MSANTD1: variants seen among roughly 807,000 people sequenced by gnomAD.
MSANTD1 encodes the protein myb/SANT-like DNA-binding domain-containing protein 1.
In MSANTD1, 7 loss-of-function variants were observed where a neutral mutation model predicts 24.2. The ratio of observed to expected loss-of-function variants is 0.29; its 90% CI spans 0.16 to 0.54. MSANTD1 has a LOEUF of 0.54. MSANTD1 is among the 20% of genes least tolerant of loss of function. The pLI, the probability that MSANTD1 is intolerant of heterozygous loss-of-function variation, is 0.94. For synonymous variants in MSANTD1, 177 were observed against 181.1 expected (o/e 0.98, Z 0.18); for missense variants, 384 against 408.2 (o/e 0.94, Z 0.51).
At position 3,256,594 on chromosome 4, in the gene MSANTD1, G is replaced by A. The variant is rs362285; in HGVS notation, c.*629G>A. On this transcript the variant is annotated 3_prime_UTR_variant, in exon 3 of 3. Transcript: ENST00000438480. ...CTTAGCAATGACACTAATAAAAGTC[G>A]TAACACCTGTTCACATGCACAGCCC... 4,942 of 152,392 alleles carry A rather than the reference G, an allele frequency of 0.032. 170 individuals carry two copies. Among genetic ancestry groups the A allele is most frequent in the African/African-American group, 0.081 (3,385 of 41,568 alleles). The allele number at this position is 152,392 out of a possible 1,614,324, so 9.4% of individuals were successfully genotyped here.
chr4:3,252,815 A>G (rs1307750395), intron 1 of MSANTD1, among the ~76,000 whole-genome samples: 1 of 152,264 alleles, frequency 6.6e-6, no homozygotes, highest in Non-Finnish European at 1.5e-5. Flanking sequence ...ATACCTTATT[A>G]TTACAATAAA....
At chr4:3,251,697 T>TTC (rs1037548651) in intron 1 of MSANTD1, among the ~76,000 whole-genome samples, 3 of 151,296 alleles carry the variant, frequency 2.0e-5, no homozygotes, top group African/African-American at 7.3e-5. Context: ...CTTTTTCTTT[T>TTC]TTTTTTTTTT....
chr4:3,246,628 C>T (rs755612837), upstream of MSANTD1: 9 of 695,428 alleles, frequency 1.3e-5, no homozygotes, highest in Non-Finnish European at 1.8e-5. Flanking sequence ...TAGGAGACCC[C>T]GTAGCGACTG....
In MSANTD1 at chr4:3,249,315, CCTCGTGT is replaced by C; in HGVS notation, c.97_103del (p.Val33ProfsTer51). ...TGGCGGCGGCCGAGGGGCCCGGCTA[CCTCGTGT>C]CTCCCCAGGCGGAGAAGCACCGGCG... On this transcript the variant is annotated frameshift_variant, in exon 1 of 3. Coordinates refer to ENST00000438480, the MANE Select transcript of MSANTD1 (RefSeq NM_001042690.2). LOFTEE classifies it high-confidence loss of function. 6.5e-7 allele frequency: 1 copy of C among 1,543,562 alleles called. No homozygotes were observed. The highest frequency in any genetic ancestry group is 8.8e-7 in the Non-Finnish European group (1 of 1,141,172).
chr4:3,253,112 G>A (rs1722278170), intron 1 of MSANTD1, 95 bp from the exon 2 acceptor site: 2 of 1,315,628 alleles, frequency 1.5e-6, no homozygotes, highest in Non-Finnish European at 2.0e-6. Context: ...GCTCCTGCCT[G>A]TGCCGGCGTG....
At chr4:3,246,782 G>C, upstream of MSANTD1, 1 of 616,538 alleles carries the variant, frequency 1.6e-6, no homozygotes, top group South Asian at 1.9e-5. Flanking sequence ...TCACATTGGA[G>C]GTCAGTGTGA....
chr4:3,247,796 C>T (rs1277383778), upstream of MSANTD1: 1 of 152,288 alleles, frequency 6.6e-6, no homozygotes, highest in Non-Finnish European at 1.5e-5. Context: ...CCCAGTTCGC[C>T]TTCCCTATGC....
In MSANTD1 at chr4:3,253,229, A is replaced by G; in HGVS notation, c.343A>G (p.Ser115Gly). The change falls in exon 2 of 3, where the codon AGC becomes GGC. Residue 115 changes from serine to glycine, a missense_variant. Transcript: ENST00000438480. ...QYRKLKCMTD[S>G]ESAPPDWPYY... ...CAGGAAATTAAAATGCATGACAGAT[A>G]GCGAGTCCGCCCCGCCCGACTGGCC... 1 of 1,570,230 alleles carries G rather than the reference A, an allele frequency of 6.4e-7. No homozygotes were observed. Among genetic ancestry groups the G allele is most frequent in the Non-Finnish European group, 8.7e-7 (1 of 1,153,348 alleles).
upstream of MSANTD1, among the ~76,000 whole-genome samples, chr4:3,245,701 G>A (rs942237429): frequency 6.6e-6 from 1 of 152,202 alleles, no homozygotes; most frequent in African/African-American, 2.4e-5. Context: ...ATCGCTTGCG[G>A]GTCCCCCAGG....
At chr4:3,249,704 G>A (rs567682044) in intron 1 of MSANTD1, among the ~76,000 whole-genome samples, 162 bp downstream of exon 1, 34 of 152,342 alleles carry the variant, frequency 2.2e-4, no homozygotes, top group South Asian at 8.3e-4. Flanking sequence ...GGGGTGAGAC[G>A]GGGCCCACGG....
chr4:3,244,484 C>T (rs1299539319), upstream of MSANTD1: 3 of 152,286 alleles, frequency 2.0e-5, no homozygotes, highest in African/African-American at 4.8e-5. Flanking sequence ...CTGGCACATC[C>T]CACCTCTGGT....
At chr4:3,251,942 C>T (rs919978500) in intron 1 of MSANTD1, among the ~76,000 whole-genome samples, 1 of 152,240 alleles carries the variant, frequency 6.6e-6, no homozygotes, top group African/African-American at 2.4e-5. Flanking sequence ...CTGGTGTCTT[C>T]ACAGCCACGT....
chr4:3,253,089 C>A, intron 1 of MSANTD1, 118 bp from the exon 2 acceptor site: 2 of 1,109,826 alleles, frequency 1.8e-6, no homozygotes, highest in Non-Finnish European at 2.5e-6. Context: ...GAGGCCCTTG[C>A]CAGCCGAGAG....
Position 3,253,809 on chromosome 4 carries a change from G to A in MSANTD1, c.596+327G>A, listed in dbSNP as rs529589173. ...CTGGGAGCATCACAGGAGAGAAGAC[G>A]CAGCATGGGGCCCGGCACACGGAGG... On this transcript the variant is annotated intron_variant, in intron 2 of 2. Coordinates refer to ENST00000438480, the MANE Select transcript of MSANTD1 (RefSeq NM_001042690.2). Among the ~76,000 whole-genome samples, 14 of 152,314 alleles carry A rather than the reference G, an allele frequency of 9.2e-5. No homozygotes were observed. In the South Asian group the frequency reaches 2.5e-3, roughly 27 times the overall value.
In MSANTD1 at chr4:3,253,605, G is replaced by A. The variant is rs564698991; in HGVS notation, c.596+123G>A. On this transcript the variant is annotated intron_variant, in intron 2 of 2. Coordinates refer to ENST00000438480, the MANE Select transcript of MSANTD1 (RefSeq NM_001042690.2). ...CAGTGGTTGCAGAGGCCGTGGCTGC[G>A]GGCAGCGCCTCCAGGGACAGGCGGC... 3.9e-4 allele frequency: 413 copies of A among 1,053,382 alleles called. 1 individual carries two copies. Among genetic ancestry groups the A allele is most frequent in the South Asian group, 8.5e-4 (36 of 42,388 alleles). The allele number at this position is 1,053,382 out of a possible 1,614,324, so 65.3% of individuals were successfully genotyped here.
chr4:3,249,592 T>G, intron 1 of MSANTD1, 50 bp downstream of exon 1: 1 of 1,512,678 alleles, frequency 6.6e-7, no homozygotes, highest in Non-Finnish European at 9.0e-7. Context: ...GGCCCGGGCG[T>G]GGCGGGCCGC....
intron 1 of MSANTD1, among the ~76,000 whole-genome samples, chr4:3,251,133 A>G (rs1321973100): frequency 6.6e-6 from 1 of 152,166 alleles, no homozygotes; most frequent in African/African-American, 2.4e-5. Flanking sequence ...GGTTCGGTGG[A>G]CACAGGCAGC....
At chr4:3,249,686 A>T in intron 1 of MSANTD1, 144 bp downstream of exon 1, 1 of 795,260 alleles carries the variant, frequency 1.3e-6, no homozygotes, top group Middle Eastern at 2.8e-4. Flanking sequence ...GTATGGGCAG[A>T]ACCCCACGGG....
chr4:3,246,953 C>G (rs1578629239), upstream of MSANTD1, among the ~76,000 whole-genome samples: 1 of 152,182 alleles, frequency 6.6e-6, no homozygotes, highest in Admixed American at 6.5e-5. Context: ...AGGGCCCTGC[C>G]TCCCTGCGCC....
Sources: gnomAD v4.1 joint callset for allele counts (sites outside exome capture counted in the v4.1 genomes callset) on GRCh38, gnomAD v4.1.1 for gene constraint, MANE v1.5 for transcripts, NCBI Gene and HGNC (gene_info 2026-07-23, HGNC 2026-07-21) for gene names.